Variants in SNX29 observed in about 807,000 individuals in gnomAD.
SNX29 encodes sorting nexin-29.
SNX29 carries 78 observed loss-of-function variants against 102.1 expected under a neutral mutation model. That is an observed-to-expected ratio of 0.76 (90% CI 0.64 to 0.92). The LOEUF (loss-of-function observed/expected upper bound fraction) is 0.92. SNX29 is among the 40% of genes least tolerant of loss of function. The pLI, the probability that SNX29 is intolerant of heterozygous loss-of-function variation, is 0.00. For synonymous variants in SNX29, 580 were observed against 414.5 expected (o/e 1.40, Z -4.85); for missense variants, 1,280 against 1,061.7 (o/e 1.21, Z -2.86).
Position 12,052,106 on chromosome 16 carries a change from G to A in SNX29, c.1008G>A (p.Gly336=), listed in dbSNP as rs879816873. 4 of 1,613,940 alleles carry A rather than the reference G, an allele frequency of 2.5e-6. No homozygotes were observed. Among genetic ancestry groups the A allele is most frequent in the Non-Finnish European group, 3.4e-6 (4 of 1,179,856 alleles). ...IDSLSLNGEF[G]YQKLDVKSID... ...CCCTGTCTTTGAACGGGGAGTTTGG[G>A]TACCAGAAGCTTGATGTGAAAAGCA... The change falls in exon 8 of 21, where the codon GGG becomes GGA. Residue 336 remains glycine (G), a synonymous_variant. Coordinates refer to ENST00000566228, the MANE Select transcript of SNX29 (RefSeq NM_032167.5).
At chr16:12,306,863 G>A (rs1450734564) in intron 15 of SNX29, among the ~76,000 whole-genome samples, 1 of 152,200 alleles carries the variant, frequency 6.6e-6, no homozygotes, top group Non-Finnish European at 1.5e-5. Flanking sequence ...GTCTTTTGGG[G>A]AGGTGGGTAG....
chr16:12,385,865 C>G (rs556008060), intron 16 of SNX29, among the ~76,000 whole-genome samples: 1 of 152,322 alleles, frequency 6.6e-6, no homozygotes, highest in Admixed American at 6.5e-5. Flanking sequence ...ACAACATTCT[C>G]TGGGACCAAC....
chr16:12,325,791 C>A (rs2081095069), intron 15 of SNX29, among the ~76,000 whole-genome samples: 1 of 151,978 alleles, frequency 6.6e-6, no homozygotes, highest in South Asian at 2.1e-4. Context: ...TTTTGAGGGT[C>A]CAAGGCAGGA....
chr16:12,380,634 TCCATCCATCCACCCA>T (rs1443098515), intron 16 of SNX29, among the ~76,000 whole-genome samples: 7 of 71,140 alleles, frequency 9.8e-5, no homozygotes, highest in Non-Finnish European at 1.8e-4. Context: ...CCACCCACCA[TCCATCCATCCACCCA>T]CCATCCATCC....
intron 19 of SNX29, among the ~76,000 whole-genome samples, chr16:12,504,023 C>T (rs910255920): frequency 6.6e-6 from 1 of 152,134 alleles, no homozygotes; most frequent in East Asian, 1.9e-4. Context: ...CAGAAGAAAC[C>T]CTCTACCACT....
chr16:12,156,251 G>A (rs921105899), intron 13 of SNX29, among the ~76,000 whole-genome samples: 1 of 152,208 alleles, frequency 6.6e-6, no homozygotes, highest in Non-Finnish European at 1.5e-5. Context: ...TTGGCTCACT[G>A]CAACCTCTGC....
chr16:12,396,981 A>G (rs148430768), intron 16 of SNX29, among the ~76,000 whole-genome samples: 1 of 152,298 alleles, frequency 6.6e-6, no homozygotes, highest in East Asian at 1.9e-4. Flanking sequence ...GAACTCCAGG[A>G]CTCAAGTGAT....
intron 15 of SNX29, among the ~76,000 whole-genome samples, chr16:12,349,528 C>G (rs150126404): frequency 3.1e-3 from 469 of 152,266 alleles, no homozygotes; most frequent in African/African-American, 0.011. Flanking sequence ...ACATAATGCT[C>G]AAAGGAAATG....
chr16:12,471,969 C>T (rs538329026), intron 18 of SNX29, among the ~76,000 whole-genome samples: 10 of 152,234 alleles, frequency 6.6e-5, no homozygotes, highest in African/African-American at 1.2e-4. Context: ...GCAAAAGACA[C>T]AAGTGCAAAA....
At chr16:12,553,154 T>G (rs575998797) in intron 20 of SNX29, among the ~76,000 whole-genome samples, 28 of 152,326 alleles carry the variant, frequency 1.8e-4, no homozygotes, top group African/African-American at 6.5e-4. Context: ...TCTGGGGTCC[T>G]TCCTGGGATT....
At chr16:12,534,157 G>A (rs1040218159) in intron 20 of SNX29, among the ~76,000 whole-genome samples, 4 of 152,228 alleles carry the variant, frequency 2.6e-5, no homozygotes, top group South Asian at 2.1e-4. Flanking sequence ...AGGGCAGCGC[G>A]GCCTCTGCGG....
chr16:12,488,053 G>A (rs954869907), intron 19 of SNX29, among the ~76,000 whole-genome samples: 2 of 152,162 alleles, frequency 1.3e-5, no homozygotes, highest in African/African-American at 4.8e-5. Context: ...ATATGTATGT[G>A]GAGGCCTATG....
Position 12,568,367 on chromosome 16 carries a change from C to T in SNX29, c.2319-139C>T, listed in dbSNP as rs541809415. 2.1e-5 allele frequency: 24 copies of T among 1,125,202 alleles called. No individual in the cohort carries two copies. In the East Asian group the frequency reaches 4.3e-4, roughly 20 times the overall value. 69.7% of individuals were successfully genotyped at this position (1,125,202 alleles called of 1,614,324 possible). A position where few individuals can be genotyped will look rare whatever the true frequency, so the allele number is the denominator to read the frequency against. ...GGTTTCTCATTTCTTCAGGTGGCAC[C>T]AGTTAGAGGCAGATCCAATGAGCCA... On this transcript the variant is annotated intron_variant, in intron 20 of 20. Transcript: ENST00000566228.
chr16:12,363,929 T>C (rs1327377676), intron 16 of SNX29, among the ~76,000 whole-genome samples: 2 of 152,100 alleles, frequency 1.3e-5, no homozygotes, highest in Admixed American at 1.3e-4. Flanking sequence ...GATGCTCAAA[T>C]GAGATTGGAA....
chr16:12,195,894 T>C (rs1332684492), intron 13 of SNX29, among the ~76,000 whole-genome samples: 1 of 151,806 alleles, frequency 6.6e-6, no homozygotes, highest in Non-Finnish European at 1.5e-5. Context: ...GACATAGGCA[T>C]GGAGAGGCTG....
At chr16:12,405,186 G>C (rs999258811) in intron 18 of SNX29, among the ~76,000 whole-genome samples, 1 of 152,194 alleles carries the variant, frequency 6.6e-6, no homozygotes, top group Admixed American at 6.5e-5. Context: ...ACAGCAGACA[G>C]CTCTATTTTA....
intron 19 of SNX29, 79 bp from the exon 20 acceptor site, chr16:12,524,623 G>A: frequency 6.6e-7 from 1 of 1,508,924 alleles, no homozygotes; most frequent in Non-Finnish European, 8.9e-7. Context: ...GCGCTGATGG[G>A]TGATCGCCTG....
intron 1 of SNX29, among the ~76,000 whole-genome samples, chr16:11,990,952 A>G (rs1449556166): frequency 9.9e-5 from 15 of 152,200 alleles, no homozygotes; most frequent in Non-Finnish European, 1.5e-5. Context: ...CATATTATCT[A>G]TGGCTGTTGT....
chr16:12,217,782 G>T (rs2077364365), intron 14 of SNX29, among the ~76,000 whole-genome samples: 1 of 152,148 alleles, frequency 6.6e-6, no homozygotes, highest in Non-Finnish European at 1.5e-5. Flanking sequence ...TCAGACCCAG[G>T]TCTAAATCTT....
Sources: allele counts gnomAD v4.1 joint callset (sites outside exome capture counted in the v4.1 genomes callset), GRCh38; gene constraint gnomAD v4.1.1; transcripts MANE v1.5; gene names NCBI Gene and HGNC (gene_info 2026-07-23, HGNC 2026-07-21).